AMMECR1: variants seen among roughly 807,000 people sequenced by gnomAD.
AMMECR1 encodes nuclear protein AMMECR1.
Under a neutral mutation model 22.5 loss-of-function variants are expected in AMMECR1, and 3 were observed. The observed-to-expected ratio is 0.13, with a 90% CI of 0.06 to 0.35. AMMECR1 has a LOEUF of 0.35. Ranked by LOEUF, AMMECR1 falls within the 10% of genes least tolerant of loss-of-function variation. The probability of loss-of-function intolerance (pLI) is 1.00; values close to 1 mark genes in which losing one functional copy is unlikely to be tolerated. For synonymous variants in AMMECR1, 130 were observed against 116.7 expected (o/e 1.11, Z -0.74); for missense variants, 235 against 278.7 (o/e 0.84, Z 1.12).
chrX:110,424,720 G>T (rs1388171448), intron 2 of AMMECR1, among the ~76,000 whole-genome samples: 1 of 111,890 alleles, frequency 8.9e-6, no homozygotes, highest in East Asian at 2.8e-4. Flanking sequence ...GTATATCAGA[G>T]TATGTGTAAA....
At chrX:110,353,684 T>C (rs1285086601) in intron 2 of AMMECR1, among the ~76,000 whole-genome samples, 1 of 112,017 alleles carries the variant, frequency 8.9e-6, no homozygotes, top group Non-Finnish European at 1.9e-5. Flanking sequence ...AAAAATAATA[T>C]AATTTCAATC....
intron 3 of AMMECR1, among the ~76,000 whole-genome samples, chrX:110,212,215 T>C (rs927078368): frequency 8.9e-6 from 1 of 112,034 alleles, no homozygotes; most frequent in Non-Finnish European, 1.9e-5. Context: ...AGTAAGATGG[T>C]AGCCAGACGC....
intron 2 of AMMECR1, among the ~76,000 whole-genome samples, chrX:110,397,679 A>T (rs774481585): frequency 7.2e-5 from 8 of 111,174 alleles, no homozygotes; most frequent in Non-Finnish European, 1.3e-4. Context: ...TTTGCTTTCT[A>T]ATATCCTAAC....
At chrX:110,365,135 G>A (rs755489193) in intron 2 of AMMECR1, among the ~76,000 whole-genome samples, 1 of 111,867 alleles carries the variant, frequency 8.9e-6, no homozygotes, top group Non-Finnish European at 1.9e-5. Flanking sequence ...TCAGATTGTG[G>A]TCAGTTTGTG....
intron 5 of AMMECR1, among the ~76,000 whole-genome samples, chrX:110,200,595 C>A (rs868172545): frequency 8.9e-6 from 1 of 111,881 alleles, no homozygotes; most frequent in Non-Finnish European, 1.9e-5. Flanking sequence ...AGATTAAATT[C>A]GAATTTGAGG....
chrX:110,208,886 T>G (rs1166050775), intron 3 of AMMECR1, among the ~76,000 whole-genome samples: 1 of 111,668 alleles, frequency 9.0e-6, no homozygotes, highest in Non-Finnish European at 1.9e-5. Flanking sequence ...CATAAAAACT[T>G]AACATCCTAA....
rs752373109 is a variant in AMMECR1 at position 110,257,409 on chromosome X, T to G, written c.584+7080A>C. 1.4e-3 allele frequency among the ~76,000 whole-genome samples: 156 copies of G among 112,539 alleles called. 2 individuals carry two copies. Among genetic ancestry groups the G allele is most frequent in the African/African-American group, 4.9e-3 (152 of 31,112 alleles). On this transcript the variant is annotated intron_variant, in intron 2 of 5. Transcript: ENST00000262844. ...TCTAGCTAATGTTTGGTAAACTCCC[T>G]GTGTATGTGTGCATGTGCATGCACA...
At chrX:110,216,810 T>A (rs916498154) in intron 2 of AMMECR1, among the ~76,000 whole-genome samples, 178 bp from the exon 3 acceptor site, 3 of 112,115 alleles carry the variant, frequency 2.7e-5, no homozygotes, top group African/African-American at 9.7e-5. Context: ...CACCTTTTTT[T>A]TCATTTAATA....
rs747675104 is a variant in AMMECR1 at position 110,394,641 on chromosome X, C to T, written c.-148+32017G>A. On this transcript the variant is annotated intron_variant, in intron 2 of 7. Transcript: ENST00000372057. Reference sequence around the variant, plus strand: ...GTCAAGGACGTTCAGTGAGGACTTACTGTACTCAGAGACAGCAGAGAGCAA... The same window carrying T: ...GTCAAGGACGTTCAGTGAGGACTTATTGTACTCAGAGACAGCAGAGAGCAA... Among the ~76,000 whole-genome samples, 11 of 112,946 alleles carry T rather than the reference C, an allele frequency of 9.7e-5. No homozygotes were observed. The South Asian group carries it at 3.2e-3, about 33-fold the overall frequency.
intron 2 of AMMECR1, among the ~76,000 whole-genome samples, chrX:110,217,213 AAAG>A (rs1358015143): frequency 1.8e-5 from 2 of 109,867 alleles, no homozygotes; most frequent in South Asian, 3.8e-4. Context: ...AAAACAAAGA[AAAG>A]AAATAATCAT....
intron 1 of AMMECR1, among the ~76,000 whole-genome samples, chrX:110,288,407 C>A (rs946963575): frequency 1.8e-5 from 2 of 111,971 alleles, no homozygotes. Context: ...AGGATGCACA[C>A]CACATAATAG....
Position 110,296,758 on chromosome X carries a change from A to G in AMMECR1, c.473+20841T>C, listed in dbSNP as rs768713187. Among the ~76,000 whole-genome samples, 402 of 111,003 alleles carry G rather than the reference A, an allele frequency of 3.6e-3. 2 individuals carry two copies. Among genetic ancestry groups the G allele is most frequent in the African/African-American group, 0.013 (387 of 30,592 alleles). On this transcript the variant is annotated intron_variant, in intron 1 of 5. Coordinates refer to ENST00000262844, the MANE Select transcript of AMMECR1 (RefSeq NM_015365.3). ...GTTGATATTTGCTATTTGGTGAGAC[A>G]TCATTCTCTTACTTTCCTTTAATTC...
Position 110,198,559 on chromosome X carries a change from G to A in AMMECR1, c.963C>T (p.Gly321=). 1 of 1,201,135 alleles carries A rather than the reference G, an allele frequency of 8.3e-7. No homozygotes were observed. The highest frequency in any genetic ancestry group is 1.1e-6 in the Non-Finnish European group (1 of 889,955). Residue 321 remains glycine (G), a synonymous_variant, in exon 6 of 6, where the codon GGC becomes GGT. Coordinates refer to ENST00000262844, the MANE Select transcript of AMMECR1 (RefSeq NM_015365.3). ...TGTATGGCGGAAGGGGATGCCCAAT[G>A]CCATTTTGGAAATGATGATGCTGGC... The part of the protein sequence containing the change: ...AHRQHHHFQN[G]IGHPLPPYNH...
chrX:110,390,441 A>T (rs1018589983), intron 2 of AMMECR1, among the ~76,000 whole-genome samples: 2 of 112,414 alleles, frequency 1.8e-5, no homozygotes, highest in African/African-American at 6.5e-5. Context: ...GAGAACATCA[A>T]CACTGCTTTT....
At position 110,209,331 on chromosome X, in the gene AMMECR1, A is replaced by G. The variant is rs144746009; in HGVS notation, c.700-6795T>C. On this transcript the variant is annotated intron_variant, in intron 3 of 5. Coordinates refer to ENST00000262844, the MANE Select transcript of AMMECR1 (RefSeq NM_015365.3). ...TCTTAAAGTCAAGAGGAAAACAATA[A>G]CATTCTATAGTGAGTTCTTCTACAA... 5.8e-3 allele frequency among the ~76,000 whole-genome samples: 650 copies of G among 112,464 alleles called. 2 individuals are homozygous for G. Among genetic ancestry groups the G allele is most frequent in the African/African-American group, 0.019 (599 of 31,005 alleles).
chrX:110,277,628 C>A (rs1403352092), intron 1 of AMMECR1, among the ~76,000 whole-genome samples: 1 of 111,689 alleles, frequency 9.0e-6, no homozygotes. Context: ...ATCTCTTCAG[C>A]TTTGACAGGT....
intron 2 of AMMECR1, among the ~76,000 whole-genome samples, chrX:110,353,966 G>A (rs927440989): frequency 1.8e-5 from 2 of 112,167 alleles, no homozygotes; most frequent in Non-Finnish European, 3.8e-5. Flanking sequence ...AACCAAGTAG[G>A]TGAAAGATCT....
intron 2 of AMMECR1, among the ~76,000 whole-genome samples, chrX:110,220,316 T>C (rs1322504285): frequency 8.9e-6 from 1 of 111,830 alleles, no homozygotes; most frequent in African/African-American, 3.2e-5. Context: ...ATCTCATACC[T>C]GTGGTACCTC....
chrX:110,351,369 T>C (rs770592928), intron 2 of AMMECR1, among the ~76,000 whole-genome samples: 4 of 111,974 alleles, frequency 3.6e-5, no homozygotes, highest in Non-Finnish European at 7.5e-5. Context: ...CAACAATCAG[T>C]ATGGTACTGA....
Sources: allele counts gnomAD v4.1 joint callset (sites outside exome capture counted in the v4.1 genomes callset), GRCh38; gene constraint gnomAD v4.1.1; transcripts MANE v1.5; gene names NCBI Gene and HGNC (gene_info 2026-07-23, HGNC 2026-07-21).